The following MYLK4 variants were observed in gnomAD, a reference collection of about 807,000 sequenced individuals.
MYLK4 encodes the protein myosin light chain kinase family member 4, also known as caMLCK like.
A neutral mutation model predicts 48.1 loss-of-function variants in MYLK4; 46 were observed. The ratio of observed to expected loss-of-function variants is 0.96; its 90% CI spans 0.75 to 1.22. The LOEUF (loss-of-function observed/expected upper bound fraction) is 1.22, where lower values mean the gene tolerates loss of function less well. Ranked by LOEUF, MYLK4 falls within the 50% of genes most tolerant of loss-of-function variation. The pLI, the probability that MYLK4 is intolerant of heterozygous loss-of-function variation, is 0.00. For missense variants in MYLK4, 451 were observed against 486.1 expected (o/e 0.93, Z 0.68); for synonymous variants, 170 against 180.8 (o/e 0.94, Z 0.48).
intron 2 of MYLK4, among the ~76,000 whole-genome samples, chr6:2,707,872 G>C (rs1442985075): frequency 6.6e-6 from 1 of 151,854 alleles, no homozygotes; most frequent in Non-Finnish European, 1.5e-5. Context: ...AAGTAACTAA[G>C]ACTAGTTTGT....
intron 2 of MYLK4, among the ~76,000 whole-genome samples, chr6:2,701,984 G>A (rs976054221): frequency 2.0e-5 from 3 of 152,192 alleles, no homozygotes; most frequent in Middle Eastern, 3.2e-3. Context: ...AGCTAATCTC[G>A]TACTTGGGTA....
At chr6:2,728,459 G>A (rs894618492) in intron 2 of MYLK4, among the ~76,000 whole-genome samples, 1 of 151,936 alleles carries the variant, frequency 6.6e-6, no homozygotes, top group Non-Finnish European at 1.5e-5. Context: ...AGAGGTGGGA[G>A]CTCCTTTGCC....
At chr6:2,765,275 ACTTCCCGAAGTGC>A in the MYLK4 span, 1 of 151,862 alleles carries the variant, frequency 6.6e-6, no homozygotes, top group Non-Finnish European at 1.4e-5. Flanking sequence ...CGCGGACTAC[ACTTCCCGAAGTGC>A]CGCGCGAGGT....
At chr6:2,693,818 C>T (rs1276605983) in intron 2 of MYLK4, among the ~76,000 whole-genome samples, 4 of 147,958 alleles carry the variant, frequency 2.7e-5, no homozygotes, top group East Asian at 2.0e-4. Context: ...AGTGCAATGG[C>T]GCAATCTCAG....
intron 2 of MYLK4, among the ~76,000 whole-genome samples, chr6:2,706,534 CT>C (rs925621966): frequency 6.6e-6 from 1 of 151,950 alleles, no homozygotes; most frequent in Non-Finnish European, 1.5e-5. Context: ...CTCAGTGAAG[CT>C]TTTTTTAATA....
At chr6:2,763,517 T>C in the MYLK4 span, among the ~76,000 whole-genome samples, 1 of 152,194 alleles carries the variant, frequency 6.6e-6, no homozygotes, top group South Asian at 2.1e-4. Flanking sequence ...TCCCAAGTGC[T>C]AAGCTCCTCA....
rs1425165006 is a variant in MYLK4, at chr6:2,665,590, G to A, written c.*2335C>T. On this transcript the variant is annotated 3_prime_UTR_variant, in exon 13 of 13. Coordinates refer to ENST00000274643, the MANE Select transcript of MYLK4 (RefSeq NM_001012418.5). ...AAGAAATCATGCCTGTATTTGGCCT[G>A]AGCTGTCTCTTCCATGTGTGGCAGG... The A allele has an allele frequency of 6.6e-6, 1 of 152,230 alleles. No individual in the cohort carries two copies. The highest frequency in any genetic ancestry group is 2.1e-4 in the South Asian group (1 of 4,834). The allele number at this position is 152,230 out of a possible 1,614,324, so 9.4% of individuals were successfully genotyped here.
chr6:2,759,141 G>A, the MYLK4 span, among the ~76,000 whole-genome samples: 11 of 152,152 alleles, frequency 7.2e-5, no homozygotes, highest in Admixed American at 6.5e-4. Flanking sequence ...TTTAGAGACA[G>A]GTCTTACTCT....
chr6:2,741,086 A>T (rs1161527769), intron 2 of MYLK4, among the ~76,000 whole-genome samples: 1 of 95,460 alleles, frequency 1.0e-5, no homozygotes, highest in Non-Finnish European at 2.1e-5. Context: ...TTTGGCTAAA[A>T]ATGTTTTAAA....
At chr6:2,698,507 A>G (rs1389133011) in intron 2 of MYLK4, among the ~76,000 whole-genome samples, 1 of 152,230 alleles carries the variant, frequency 6.6e-6, no homozygotes. Context: ...TGGGTCATGT[A>G]CCCTGAATAA....
chr6:2,708,121 T>C (rs1275926854), intron 2 of MYLK4, among the ~76,000 whole-genome samples: 1 of 152,202 alleles, frequency 6.6e-6, no homozygotes, highest in Non-Finnish European at 1.5e-5. Context: ...TTTATTTTAA[T>C]AATTAATAAT....
the MYLK4 span, chr6:2,765,944 C>A: frequency 6.9e-7 from 1 of 1,443,138 alleles, no homozygotes. Context: ...GACCGAGAGC[C>A]GCGAGAGCTA....
intron 2 of MYLK4, among the ~76,000 whole-genome samples, chr6:2,726,315 A>T (rs1042572684): frequency 1.3e-5 from 2 of 152,214 alleles, no homozygotes; most frequent in African/African-American, 4.8e-5. Context: ...GAGAGGAGAG[A>T]AGGAGCCCAG....
At chr6:2,677,959 G>A (rs962273354) in intron 10 of MYLK4, among the ~76,000 whole-genome samples, 4 of 152,160 alleles carry the variant, frequency 2.6e-5, no homozygotes, top group African/African-American at 7.2e-5. Context: ...TTGACAGTGA[G>A]TCAACTAAGG....
chr6:2,681,305 C>T (rs1455489654), intron 7 of MYLK4, among the ~76,000 whole-genome samples: 1 of 152,162 alleles, frequency 6.6e-6, no homozygotes. Flanking sequence ...GACATAATGT[C>T]TCCTTATCAA....
chr6:2,763,967 T>C, the MYLK4 span, among the ~76,000 whole-genome samples: 1,851 of 152,198 alleles, frequency 0.012, 29 homozygotes, highest in South Asian at 0.062. Context: ...CCGTCTGTAC[T>C]AAAAATCCAA....
intron 2 of MYLK4, among the ~76,000 whole-genome samples, chr6:2,745,981 G>A (rs891970048): frequency 7.3e-5 from 11 of 150,996 alleles, no homozygotes; most frequent in East Asian, 5.9e-4. Flanking sequence ...GGCCGGGCAC[G>A]GTGGCTCACG....
At position 2,667,042 on chromosome 6, in the gene MYLK4, A is replaced by T. The variant is rs144194334; in HGVS notation, c.*883T>A. On this transcript the variant is annotated 3_prime_UTR_variant, in exon 13 of 13. Coordinates refer to ENST00000274643, the MANE Select transcript of MYLK4 (RefSeq NM_001012418.5). Reference sequence around the variant, plus strand: ...TGAAAGCTCAGTGCTATCTTGCTCCAGGAGGTGCAGATCCGTCTCTTTTAG... The same window carrying T: ...TGAAAGCTCAGTGCTATCTTGCTCCTGGAGGTGCAGATCCGTCTCTTTTAG... 412 of 151,262 alleles carry T rather than the reference A, an allele frequency of 2.7e-3. 1 individual carries two copies. Among genetic ancestry groups the T allele is most frequent in the African/African-American group, 9.4e-3 (383 of 40,944 alleles). 9.4% of individuals were successfully genotyped at this position (151,262 alleles called of 1,614,324 possible). A position where few individuals can be genotyped will look rare whatever the true frequency, so the allele number is the denominator to read the frequency against.
the MYLK4 span, among the ~76,000 whole-genome samples, chr6:2,763,999 G>T: frequency 6.6e-6 from 1 of 152,190 alleles, no homozygotes; most frequent in Non-Finnish European, 1.5e-5. Context: ...GGGTGTGGTG[G>T]CGGACGCCCG....
Sources: allele counts gnomAD v4.1 joint callset (sites outside exome capture counted in the v4.1 genomes callset), GRCh38; gene constraint gnomAD v4.1.1; transcripts MANE v1.5; gene names NCBI Gene and HGNC (gene_info 2026-07-23, HGNC 2026-07-21).